The following TLE4 variants were observed in gnomAD, a reference collection of about 807,000 sequenced individuals.
TLE4 encodes the protein TLE family member 4, transcriptional corepressor, also known as transducin-like enhancer protein 4.
In TLE4, 8 loss-of-function variants were observed where a neutral mutation model predicts 92.8. That is an observed-to-expected ratio of 0.09 (90% CI 0.05 to 0.16). The LOEUF is 0.16. Ranked by LOEUF, TLE4 falls within the 10% of genes least tolerant of loss-of-function variation. The pLI, the probability that TLE4 is intolerant of heterozygous loss-of-function variation, is 1.00. For missense variants in TLE4, 675 were observed against 997.6 expected (o/e 0.68, Z 4.36); for synonymous variants, 371 against 374.1 (o/e 0.99, Z 0.10).
chr9:79,590,065 T>C (rs1488689032), intron 4 of TLE4, among the ~76,000 whole-genome samples: 1 of 152,218 alleles, frequency 6.6e-6, no homozygotes, highest in African/African-American at 2.4e-5. Flanking sequence ...TTCACTATGC[T>C]GCGCTATGAA....
At position 79,610,733 on chromosome 9, in the gene TLE4, T is replaced by C. The variant is rs189300608; in HGVS notation, c.253-1923T>C. Among the ~76,000 whole-genome samples the C allele has an allele frequency of 2.2e-3, 342 of 152,222 alleles. 1 individual carries two copies. The highest frequency in any genetic ancestry group is 6.9e-3 in the African/African-American group (286 of 41,544). Reference sequence around the variant, plus strand: ...AAGGCTCTTCTCCTTTTTACATTTATTTTTAAGAAAATGTAGAATTTTTTT... The same window carrying C: ...AAGGCTCTTCTCCTTTTTACATTTACTTTTAAGAAAATGTAGAATTTTTTT... On this transcript the variant is annotated intron_variant, in intron 4 of 19. Transcript: ENST00000376552.
Position 79,628,921 on chromosome 9 carries a change from C to T in TLE4, c.390+1473C>T, listed in dbSNP as rs143724672. ...GTGTGTGTGTGTGTATATGTATAAA[C>T]CAGCTGTGCTCCATTGACGTGTGTG... On this transcript the variant is annotated intron_variant, in intron 6 of 19. Coordinates refer to ENST00000376552, the MANE Select transcript of TLE4 (RefSeq NM_007005.6). 7.8e-3 allele frequency among the ~76,000 whole-genome samples: 1,161 copies of T among 149,698 alleles called. 17 individuals are homozygous for T. The highest frequency in any genetic ancestry group is 0.027 in the African/African-American group (1,096 of 40,492).
chr9:79,681,762 A>G (rs542539102), intron 8 of TLE4, among the ~76,000 whole-genome samples: 2 of 151,260 alleles, frequency 1.3e-5, no homozygotes, highest in African/African-American at 2.4e-5. Context: ...AGGGAGAGAA[A>G]GAGAGGGAGG....
At chr9:79,617,141 C>T (rs983756435) in intron 5 of TLE4, among the ~76,000 whole-genome samples, 3 of 152,154 alleles carry the variant, frequency 2.0e-5, no homozygotes, top group East Asian at 1.9e-4. Context: ...ATATTTCAAA[C>T]GAGCTGGCTG....
intron 8 of TLE4, among the ~76,000 whole-genome samples, chr9:79,698,032 G>C (rs192876511): frequency 2.0e-5 from 3 of 152,110 alleles, no homozygotes; most frequent in East Asian, 1.9e-4. Flanking sequence ...TTGCCAAAAG[G>C]GAATAGCTGT....
chr9:79,679,490 G>C (rs1175137595), intron 8 of TLE4, among the ~76,000 whole-genome samples: 3 of 151,958 alleles, frequency 2.0e-5, no homozygotes, highest in African/African-American at 7.2e-5. Flanking sequence ...AAATTTCTTT[G>C]AGTTCATTGT....
intron 8 of TLE4, among the ~76,000 whole-genome samples, chr9:79,693,297 C>CG (rs1470561024): frequency 2.6e-5 from 4 of 152,214 alleles, no homozygotes; most frequent in African/African-American, 9.6e-5. Flanking sequence ...AGAATCTCCC[C>CG]CACCCAACCT....
chr9:79,581,684 CTAATAG>C (rs1424493849), intron 4 of TLE4, among the ~76,000 whole-genome samples: 6 of 152,174 alleles, frequency 3.9e-5, no homozygotes, highest in Non-Finnish European at 8.8e-5. Flanking sequence ...GGTGATACAG[CTAATAG>C]TTGGTGGATT....
At chr9:79,584,338 A>T (rs966666768) in intron 4 of TLE4, among the ~76,000 whole-genome samples, 2 of 152,048 alleles carry the variant, frequency 1.3e-5, no homozygotes, top group African/African-American at 4.8e-5. Flanking sequence ...CTACCCTCTC[A>T]TTGCCTCTGC....
At chr9:79,627,604 T>C (rs2052954930) in intron 6 of TLE4, 156 bp downstream of exon 6, 3 of 703,074 alleles carry the variant, frequency 4.3e-6, no homozygotes, top group Non-Finnish European at 7.2e-6. Flanking sequence ...TGAAATTTGA[T>C]GGCTGCCTTA....
intron 14 of TLE4, among the ~76,000 whole-genome samples, chr9:79,711,694 C>T (rs1365072968): frequency 6.6e-6 from 1 of 152,196 alleles, no homozygotes; most frequent in South Asian, 2.1e-4. Context: ...TGTGGAATCA[C>T]AGCTGCTCTG....
chr9:79,686,080 G>C (rs960398302), intron 8 of TLE4, among the ~76,000 whole-genome samples: 2 of 152,032 alleles, frequency 1.3e-5, no homozygotes, highest in Non-Finnish European at 2.9e-5. Flanking sequence ...ACTATAAATA[G>C]GCATTATAAA....
intron 8 of TLE4, among the ~76,000 whole-genome samples, chr9:79,694,262 A>G (rs1428600200): frequency 6.6e-6 from 1 of 152,240 alleles, no homozygotes; most frequent in African/African-American, 2.4e-5. Context: ...GATATTTTTC[A>G]TCAGTCCTTT....
In TLE4 at chr9:79,725,314, G is replaced by T; in HGVS notation, c.*170G>T. ...CACTTCCCACTTGCTATTGAATTGT[G>T]AATAGTCATTAAAAACCTGTGATAC... On this transcript the variant is annotated 3_prime_UTR_variant, in exon 20 of 20. Transcript: ENST00000376552. 3.8e-6 allele frequency: 2 copies of T among 521,536 alleles called. No homozygotes were observed. The highest frequency in any genetic ancestry group is 3.4e-6 in the Non-Finnish European group (1 of 290,612). The allele number at this position is 521,536 out of a possible 1,614,324, so 32.3% of individuals were successfully genotyped here. A position where few individuals can be genotyped will look rare whatever the true frequency, so the allele number is the denominator to read the frequency against.
intron 5 of TLE4, among the ~76,000 whole-genome samples, chr9:79,615,220 A>G (rs1384399888): frequency 1.3e-5 from 2 of 152,024 alleles, no homozygotes; most frequent in Non-Finnish European, 1.5e-5. Context: ...GTAGAGGAAG[A>G]TGAATTCTGT....
chr9:79,668,878 G>C, intron 8 of TLE4: 1 of 972,928 alleles, frequency 1.0e-6, no homozygotes, highest in Non-Finnish European at 1.2e-6. Flanking sequence ...AATAGCAAAA[G>C]CATGTCAACA....
chr9:79,702,768 T>A (rs1319864769), intron 8 of TLE4, among the ~76,000 whole-genome samples: 1 of 152,138 alleles, frequency 6.6e-6, no homozygotes, highest in Non-Finnish European at 1.5e-5. Context: ...CACTCACTGG[T>A]CCCATCTCTC....
chr9:79,661,214 A>T (rs1191756627), intron 8 of TLE4, among the ~76,000 whole-genome samples: 1 of 152,182 alleles, frequency 6.6e-6, no homozygotes, highest in Non-Finnish European at 1.5e-5. Context: ...ATTCCAAAGA[A>T]TCGTTCACCA....
chr9:79,601,106 T>G (rs2045542416), intron 4 of TLE4, among the ~76,000 whole-genome samples: 1 of 152,224 alleles, frequency 6.6e-6, no homozygotes, highest in Non-Finnish European at 1.5e-5. Flanking sequence ...TATTATATTT[T>G]AAAATAATCT....
Sources: allele counts gnomAD v4.1 joint callset (sites outside exome capture counted in the v4.1 genomes callset), GRCh38; gene constraint gnomAD v4.1.1; transcripts MANE v1.5; gene names NCBI Gene and HGNC (gene_info 2026-07-23, HGNC 2026-07-21).